Variants in MCPH1 observed in about 807,000 individuals in gnomAD.
The protein encoded by MCPH1 is microcephalin.
Under a neutral mutation model 84.5 loss-of-function variants are expected in MCPH1, and 104 were observed. The observed-to-expected ratio is 1.23, with a 90% CI of 1.05 to 1.45. The LOEUF is 1.45. MCPH1 is among the 40% of genes most tolerant of loss of function. MCPH1 has a pLI of 0.00. For missense variants in MCPH1, 1,498 were observed against 1,005.7 expected, an observed-to-expected ratio of 1.49 and a Z score of -6.62; for synonymous variants, 514 against 366.8, an observed-to-expected ratio of 1.40 and a Z score of -4.58.
chr8:6,489,609 G>C (rs1044993514), intron 11 of MCPH1, among the ~76,000 whole-genome samples: 1 of 152,202 alleles, frequency 6.6e-6, no homozygotes, highest in Non-Finnish European at 1.5e-5. Flanking sequence ...GATTTGCTGA[G>C]TTAGGGATTA....
At chr8:6,602,467 C>T (rs991774559) in intron 12 of MCPH1, among the ~76,000 whole-genome samples, 2 of 152,068 alleles carry the variant, frequency 1.3e-5, no homozygotes, top group African/African-American at 4.8e-5. Context: ...ACCCCAGCCT[C>T]TCTGGGGAGA....
At chr8:6,641,869 T>TTA (rs1163119000) in intron 13 of MCPH1, among the ~76,000 whole-genome samples, 1 of 152,190 alleles carries the variant, frequency 6.6e-6, no homozygotes, top group East Asian at 1.9e-4. Flanking sequence ...ATATCATTTC[T>TTA]TATATATATA....
chr8:6,419,178 C>G (rs1417282096), intron 3 of MCPH1, among the ~76,000 whole-genome samples: 2 of 29,138 alleles, frequency 6.9e-5, no homozygotes, highest in African/African-American at 8.6e-5. Context: ...CACACACACA[C>G]ACACACACAC....
chr8:6,574,332 C>G (rs1428324719), intron 12 of MCPH1, among the ~76,000 whole-genome samples: 2 of 152,058 alleles, frequency 1.3e-5, no homozygotes, highest in African/African-American at 4.8e-5. Context: ...CTCATCGTCT[C>G]ATGGTATTCT....
At chr8:6,437,737 G>A (rs748408875) in intron 5 of MCPH1, among the ~76,000 whole-genome samples, 2 of 152,094 alleles carry the variant, frequency 1.3e-5, no homozygotes, top group South Asian at 2.1e-4. Context: ...ACGTGCAATC[G>A]TCCTTGACAT....
rs77804769 is a variant in MCPH1 at position 6,470,880 on chromosome 8, A to G, written c.1936-6714A>G. ...GGAGAAAAGTAGTGTTGCTGCTGTA[A>G]GATGTACATAAACTAAGGGGTGTCT... On this transcript the variant is annotated intron_variant, in intron 9 of 13. Transcript: ENST00000344683. Among the ~76,000 whole-genome samples, 1,219 of 152,378 alleles carry G rather than the reference A, an allele frequency of 8.0e-3. 13 individuals are homozygous for G. Among genetic ancestry groups the G allele is most frequent in the African/African-American group, 0.027 (1,120 of 41,592 alleles).
At chr8:6,476,092 A>G (rs979135178) in intron 9 of MCPH1, among the ~76,000 whole-genome samples, 4 of 152,132 alleles carry the variant, frequency 2.6e-5, no homozygotes, top group Admixed American at 6.5e-5. Context: ...CCACAGTACA[A>G]TACAGACATA....
intron 9 of MCPH1, among the ~76,000 whole-genome samples, chr8:6,475,953 G>T (rs1808394412): frequency 2.0e-5 from 3 of 152,122 alleles, no homozygotes; most frequent in African/African-American, 7.2e-5. Context: ...CCCCATTGAG[G>T]ACTGGGGGTG....
At chr8:6,465,911 A>G (rs1048227563) in intron 9 of MCPH1, among the ~76,000 whole-genome samples, 2 of 135,996 alleles carry the variant, frequency 1.5e-5, no homozygotes, top group Admixed American at 1.5e-4. Context: ...TTTCCTACTC[A>G]ATTTTATCTA....
At chr8:6,483,228 A>G (rs1809450091) in intron 11 of MCPH1, among the ~76,000 whole-genome samples, 1 of 152,278 alleles carries the variant, frequency 6.6e-6, no homozygotes, top group Admixed American at 6.5e-5. Flanking sequence ...AAGACATAGT[A>G]CAGTGAACAT....
intron 12 of MCPH1, among the ~76,000 whole-genome samples, chr8:6,588,467 A>G (rs1389326563): frequency 1.3e-5 from 2 of 152,128 alleles, no homozygotes; most frequent in Admixed American, 6.5e-5. Flanking sequence ...GGGTAGGCTG[A>G]GCCCCTTCAC....
At chr8:6,573,806 AAGAGGGGAGCC>A (rs1343512279) in intron 12 of MCPH1, among the ~76,000 whole-genome samples, 4 of 152,052 alleles carry the variant, frequency 2.6e-5, no homozygotes, top group African/African-American at 4.8e-5. Context: ...ACAGAACTAA[AAGAGGGGAGCC>A]CATCCCTGAG....
chr8:6,536,608 A>C (rs1426580309), intron 12 of MCPH1, among the ~76,000 whole-genome samples: 1 of 152,174 alleles, frequency 6.6e-6, no homozygotes, highest in Non-Finnish European at 1.5e-5. Flanking sequence ...TTTCTTCCAA[A>C]GATTAGTAGT....
chr8:6,507,021 C>T (rs955665013), intron 12 of MCPH1, among the ~76,000 whole-genome samples: 1 of 152,052 alleles, frequency 6.6e-6, no homozygotes, highest in African/African-American at 2.4e-5. Flanking sequence ...CCTCAGCCTC[C>T]TGAGTAGCTG....
intron 11 of MCPH1, among the ~76,000 whole-genome samples, chr8:6,498,922 G>T (rs1287870379): frequency 6.6e-6 from 1 of 151,992 alleles, no homozygotes; most frequent in East Asian, 1.9e-4. Context: ...TGTGGTGGTG[G>T]GCGCCTGTGG....
chr8:6,626,274 G>A lies in MCPH1; in HGVS notation c.2452+4583G>A, dbSNP rs115966215. On this transcript the variant is annotated intron_variant, in intron 13 of 13. Transcript: ENST00000344683. The stretch of plus-strand genomic sequence containing the variant: ...GCTCAGTATACAAAATGTAAGCCAC[G>A]CCTCACTCACTTGCTCCCTGGAGAA... 2,178 of 985,228 alleles carry A rather than the reference G, an allele frequency of 2.2e-3. 40 individuals carry two copies. The African/African-American group carries it at 0.035, about 16-fold the overall frequency. 61.0% of individuals were successfully genotyped at this position (985,228 alleles called of 1,614,324 possible). A position where few individuals can be genotyped will look rare whatever the true frequency, so the allele number is the denominator to read the frequency against.
chr8:6,492,751 T>A (rs1324013120), intron 11 of MCPH1, among the ~76,000 whole-genome samples: 1 of 148,960 alleles, frequency 6.7e-6, no homozygotes, highest in African/African-American at 2.4e-5. Context: ...ATAATAATTA[T>A]TTAATATTAT....
At chr8:6,617,383 C>T (rs1362572972) in intron 12 of MCPH1, among the ~76,000 whole-genome samples, 1 of 151,014 alleles carries the variant, frequency 6.6e-6, no homozygotes, top group East Asian at 2.0e-4. Context: ...AGGTTCACAC[C>T]ATTCTTCTGC....
At chr8:6,579,836 T>G (rs969731457) in intron 12 of MCPH1, among the ~76,000 whole-genome samples, 1 of 152,200 alleles carries the variant, frequency 6.6e-6, no homozygotes. Context: ...AGAAGTGGAA[T>G]TTATTGAATA....
Sources: allele counts gnomAD v4.1 joint callset (sites outside exome capture counted in the v4.1 genomes callset), GRCh38; gene constraint gnomAD v4.1.1; transcripts MANE v1.5; gene names NCBI Gene and HGNC (gene_info 2026-07-23, HGNC 2026-07-21).